Variants in PKP4 observed in about 807,000 individuals in gnomAD.
The protein encoded by PKP4 is plakophilin-4.
PKP4 carries 90 observed loss-of-function variants against 145.1 expected under a neutral mutation model. That is an observed-to-expected ratio of 0.62 (90% CI 0.52 to 0.74). PKP4 has a LOEUF of 0.74. Ranked by LOEUF, PKP4 falls within the 30% of genes least tolerant of loss-of-function variation. The pLI is 0.00. For missense variants in PKP4, 1,340 were observed against 1,482.7 expected, an observed-to-expected ratio of 0.90 and a Z score of 1.58; for synonymous variants, 563 against 577.2, an observed-to-expected ratio of 0.98 and a Z score of 0.35.
chr2:158,468,517 G>A (rs936343431), intron 1 of PKP4, among the ~76,000 whole-genome samples: 8 of 152,034 alleles, frequency 5.3e-5, no homozygotes, highest in African/African-American at 1.7e-4. Context: ...ATTTTAAAAT[G>A]TAATCATGAA....
chr2:158,656,508 GC>G (rs2055941900), intron 11 of PKP4, among the ~76,000 whole-genome samples: 2 of 152,208 alleles, frequency 1.3e-5, no homozygotes, highest in South Asian at 4.2e-4. Context: ...TAAGTCTCCC[GC>G]CCGTCCTGTG....
At chr2:158,661,926 T>C (rs571472568) in intron 13 of PKP4, among the ~76,000 whole-genome samples, 1 of 152,218 alleles carries the variant, frequency 6.6e-6, no homozygotes, top group East Asian at 1.9e-4. Context: ...CTGCCTGTGG[T>C]TGGTCTGTCC....
At chr2:158,507,208 G>C (rs1244403718) in intron 1 of PKP4, among the ~76,000 whole-genome samples, 2 of 151,842 alleles carry the variant, frequency 1.3e-5, no homozygotes, top group East Asian at 3.9e-4. Flanking sequence ...TAAATGACTG[G>C]TATTACATAC....
intron 1 of PKP4, among the ~76,000 whole-genome samples, chr2:158,490,275 T>C (rs1163011989): frequency 6.6e-6 from 1 of 151,860 alleles, no homozygotes; most frequent in Non-Finnish European, 1.5e-5. Context: ...CAAGAGGATT[T>C]AGAGCTTTTG....
chr2:158,619,811 T>C (rs1313791118), intron 4 of PKP4, among the ~76,000 whole-genome samples: 1 of 152,174 alleles, frequency 6.6e-6, no homozygotes, highest in Non-Finnish European at 1.5e-5. Context: ...GCTTATATTC[T>C]AGTGGGGAGA....
At chr2:158,603,008 C>T in intron 3 of PKP4, 62 bp from the exon 4 acceptor site, 1 of 980,610 alleles carries the variant, frequency 1.0e-6, no homozygotes, top group Admixed American at 2.4e-5. Flanking sequence ...CAAAACAGGT[C>T]CTAAGCTAAA....
chr2:158,620,927 C>CT (rs3835023), intron 4 of PKP4, 63 bp from the exon 5 acceptor site: 4 of 1,470,404 alleles, frequency 2.7e-6, no homozygotes, highest in Non-Finnish European at 3.8e-6. Flanking sequence ...ACATCTGAAC[C>CT]TTTTTTAGCA....
In PKP4 at chr2:158,669,734, C is replaced by A; in HGVS notation, c.2743C>A (p.Arg915=). The A allele has an allele frequency of 6.3e-7, 1 of 1,593,026 alleles. No homozygotes were observed. The highest frequency in any genetic ancestry group is 1.3e-5 in the African/African-American group (1 of 74,404). The part of the protein sequence containing the change: ...NKELIGKYAM[R]DLVNRLPGGN... ...GCCGTTGGCAGGCAAATACGCCATG[C>A]GAGACCTGGTCAACCGGCTCCCCGG... is the stretch of plus-strand genomic sequence containing the variant. The change falls in exon 17 of 22, where the codon CGA becomes AGA. Residue 915 remains arginine, a synonymous_variant. Transcript: ENST00000389759.
intron 1 of PKP4, 175 bp downstream of exon 1, chr2:158,457,393 T>G (rs1292218427): frequency 6.6e-6 from 1 of 152,070 alleles, no homozygotes; most frequent in East Asian, 2.0e-4. Flanking sequence ...CGCCTCGTGT[T>G]CCTGCCCGCA....
intron 10 of PKP4, 34 bp downstream of exon 10, chr2:158,640,793 A>T (rs770866786): frequency 6.2e-7 from 1 of 1,612,232 alleles, no homozygotes; most frequent in Non-Finnish European, 8.5e-7. Context: ...GACTGGGGAA[A>T]ATAATGCCTT....
intron 4 of PKP4, among the ~76,000 whole-genome samples, chr2:158,605,542 G>A (rs1471687522): frequency 6.6e-6 from 1 of 151,994 alleles, no homozygotes; most frequent in Non-Finnish European, 1.5e-5. Context: ...GGCAAATTTG[G>A]CACACATGCA....
chr2:158,477,606 G>A (rs1208061570), intron 1 of PKP4, among the ~76,000 whole-genome samples: 1 of 152,176 alleles, frequency 6.6e-6, no homozygotes, highest in Non-Finnish European at 1.5e-5. Flanking sequence ...TTAAAGTAAG[G>A]TTTCCTGAAA....
intron 2 of PKP4, among the ~76,000 whole-genome samples, chr2:158,564,406 T>C (rs1458186193): frequency 6.6e-6 from 1 of 152,216 alleles, no homozygotes; most frequent in African/African-American, 2.4e-5. Context: ...CCATCGTTTG[T>C]TACAATATTA....
chr2:158,627,958 TTTTA>T (rs2052972125), intron 7 of PKP4, among the ~76,000 whole-genome samples: 1 of 151,172 alleles, frequency 6.6e-6, no homozygotes. Flanking sequence ...AAAAATTATT[TTTTA>T]TTTATTTTTA....
In PKP4 at chr2:158,642,686, G is replaced by A. The variant is rs1349017003; in HGVS notation, c.1896G>A (p.Arg632=). The A allele has an allele frequency of 6.2e-7, 1 of 1,602,388 alleles. No homozygotes were observed. The highest frequency in any genetic ancestry group is 8.5e-7 in the Non-Finnish European group (1 of 1,172,598). ...LLRKSIDAEV[R]ELVTGVLWNL... is the part of the protein sequence containing the mutation. ...GAAAATCTATTGATGCAGAAGTAAG[G>A]GAGCTTGTTACAGGTAGGTATAGAA... The change falls in exon 11 of 22, where the codon AGG becomes AGA. Residue 632 remains arginine (R), a synonymous_variant. Coordinates refer to ENST00000389759, the MANE Select transcript of PKP4 (RefSeq NM_003628.6).
chr2:158,460,841 C>T (rs1375179246), intron 1 of PKP4, among the ~76,000 whole-genome samples: 1 of 152,126 alleles, frequency 6.6e-6, no homozygotes, highest in African/African-American at 2.4e-5. Flanking sequence ...TTCTGTAGTG[C>T]CCTTCCTGCA....
chr2:158,554,515 T>A (rs2045917080), intron 2 of PKP4, among the ~76,000 whole-genome samples: 1 of 151,708 alleles, frequency 6.6e-6, no homozygotes, highest in African/African-American at 2.4e-5. Context: ...AAGCTCCGCC[T>A]TCCAGGTTCA....
intron 1 of PKP4, among the ~76,000 whole-genome samples, chr2:158,474,652 G>A (rs999713636): frequency 2.0e-5 from 3 of 152,244 alleles, no homozygotes; most frequent in South Asian, 2.1e-4. Context: ...TAAGGAAGAC[G>A]GGTTTTTTGC....
At chr2:158,484,339 G>T (rs982992162) in intron 1 of PKP4, among the ~76,000 whole-genome samples, 1 of 152,188 alleles carries the variant, frequency 6.6e-6, no homozygotes, top group African/African-American at 2.4e-5. Context: ...GAGCCACCGC[G>T]CCCGGCCTGC....
Sources: gnomAD v4.1 joint callset for allele counts (sites outside exome capture counted in the v4.1 genomes callset) on GRCh38, gnomAD v4.1.1 for gene constraint, MANE v1.5 for transcripts, NCBI Gene and HGNC (gene_info 2026-07-23, HGNC 2026-07-21) for gene names.